MGAM: variants seen among roughly 807,000 people sequenced by gnomAD.
MGAM encodes the protein maltase-glucoamylase.
Under a neutral mutation model 358.8 loss-of-function variants are expected in MGAM, and 253 were observed. The observed-to-expected ratio is 0.71, with a 90% CI of 0.64 to 0.78. The LOEUF (loss-of-function observed/expected upper bound fraction) is 0.78. Ranked by LOEUF, MGAM falls within the 30% of genes least tolerant of loss-of-function variation. MGAM has a pLI of 0.00. For missense variants in MGAM, 3,080 were observed against 3,432.6 expected (o/e 0.90, Z 2.57); for synonymous variants, 1,105 against 1,227.1 (o/e 0.90, Z 2.08).
intron 63 of MGAM, among the ~76,000 whole-genome samples, 158 bp from the exon 64 acceptor site, chr7:142,095,407 A>T (rs79416050): frequency 2.0e-5 from 3 of 152,194 alleles, no homozygotes; most frequent in South Asian, 2.1e-4. Flanking sequence ...GCATCAGTGA[A>T]CTTTTCCAGT....
rs782686047 is a variant in MGAM at position 142,031,676 on chromosome 7, G to T, written c.1471-4G>T. The T allele has an allele frequency of 2.5e-6, 4 of 1,590,780 alleles. No homozygotes were observed. The Admixed American group carries it at 5.1e-5, about 20-fold the overall frequency. On this transcript the variant is annotated splice_region_variant and splice_polypyrimidine_tract_variant and intron_variant, in intron 12 of 70. Transcript: ENST00000475668. ...TTACCAGTGTTTTTCTTTTTCTCCT[G>T]AAGGTCTGGCCTGGACAAACTGTGT...
At position 142,047,794 on chromosome 7, in the gene MGAM, C is replaced by A. The variant is rs1356222551; in HGVS notation, c.2508C>A (p.Asn836Lys). 1.2e-6 allele frequency: 2 copies of A among 1,612,476 alleles called. No homozygotes were observed. Among genetic ancestry groups the A allele is most frequent in the African/African-American group, 1.3e-5 (1 of 74,988 alleles). Residue 836 changes from asparagine (N) to lysine (K), a missense_variant, in exon 22 of 71, where the codon AAC (asparagine) becomes AAA (lysine). Transcript: ENST00000475668. ...ATCTTGTTCCCCACAGTCGAAAGAA[C>A]CCTCTTGGTCTTATCATTGCCCTAG... ...PNTTTLASRK[N>K]PLGLIIALDE... is the part of the protein sequence containing the mutation.
chr7:142,057,919 A>G (rs1014242598), intron 30 of MGAM, among the ~76,000 whole-genome samples: 6 of 152,152 alleles, frequency 3.9e-5, no homozygotes, highest in African/African-American at 1.4e-4. Flanking sequence ...CCTGTATACT[A>G]AGCCAGGCAT....
chr7:141,988,627 A>G (rs782349999), intron 2 of MGAM, among the ~76,000 whole-genome samples: 14 of 152,162 alleles, frequency 9.2e-5, no homozygotes, highest in Middle Eastern at 3.4e-3. Flanking sequence ...GGCCTCCCAA[A>G]GTGCTGGGAT....
At chr7:142,041,975 TATATATA>T (rs1402518395) in intron 21 of MGAM, among the ~76,000 whole-genome samples, 1 of 23,654 alleles carries the variant, frequency 4.2e-5, no homozygotes, top group African/African-American at 1.4e-4. Context: ...ATATATTATA[TATATATA>T]ATATAATATA....
rs551812945 is a variant in MGAM at position 142,106,099 on chromosome 7, A to G, written c.*208A>G. On this transcript the variant is annotated 3_prime_UTR_variant, in exon 71 of 71. Coordinates refer to ENST00000475668, the MANE Select transcript of MGAM (RefSeq NM_001365693.1). ...GCAGTTAGGGAGGTGTGGAAAATCT[A>G]TGCATTACCTTAATGTCTCTGTGTG... 1.7e-5 allele frequency: 8 copies of G among 476,412 alleles called. No homozygotes were observed. Among genetic ancestry groups the G allele is most frequent in the African/African-American group, 1.6e-4 (8 of 50,980 alleles). The allele number at this position is 476,412 out of a possible 1,614,324, so 29.5% of individuals were successfully genotyped here. A position where few individuals can be genotyped will look rare whatever the true frequency, so the allele number is the denominator to read the frequency against.
intron 24 of MGAM, among the ~76,000 whole-genome samples, chr7:142,051,739 C>A (rs1026019160): frequency 2.0e-5 from 3 of 151,858 alleles, no homozygotes; most frequent in Non-Finnish European, 1.5e-5. Context: ...GATTATTATG[C>A]CCTGTATGCC....
rs532995564 is a variant in MGAM at position 142,097,095 on chromosome 7, A to G, written c.7693-498A>G. Among the ~76,000 whole-genome samples the G allele has an allele frequency of 2.7e-5, 4 of 150,340 alleles. No individual in the cohort carries two copies. The South Asian group carries it at 8.4e-4, about 31-fold the overall frequency. On this transcript the variant is annotated intron_variant, in intron 65 of 70. Coordinates refer to ENST00000475668, the MANE Select transcript of MGAM (RefSeq NM_001365693.1). The stretch of plus-strand genomic sequence containing the variant: ...AGGCACGTGCCACCAGGCCCGGCCA[A>G]TTTAAATTTTTTTTTTTATTTTTAG...
At chr7:141,996,988 TTAAAA>T (rs1415238721) in intron 1 of MGAM, among the ~76,000 whole-genome samples, 14 of 152,182 alleles carry the variant, frequency 9.2e-5, no homozygotes, top group East Asian at 5.8e-4. Flanking sequence ...AATAAAATAC[TTAAAA>T]TAAACTTAAA....
chr7:142,035,992 TACTC>T (rs1244262375), intron 16 of MGAM, among the ~76,000 whole-genome samples, 173 bp from the exon 17 acceptor site: 2 of 152,068 alleles, frequency 1.3e-5, no homozygotes, highest in Admixed American at 6.6e-5. Context: ...TTAGGTAACT[TACTC>T]AAAGTCATCC....
chr7:142,018,541 A>G (rs1299617586), intron 3 of MGAM, among the ~76,000 whole-genome samples: 1 of 152,132 alleles, frequency 6.6e-6, no homozygotes, highest in African/African-American at 2.4e-5. Flanking sequence ...TTTGTATTTA[A>G]CTTGGTTGCT....
chr7:142,101,989 C>A (rs1228772381), intron 68 of MGAM, among the ~76,000 whole-genome samples: 2 of 150,974 alleles, frequency 1.3e-5, no homozygotes, highest in African/African-American at 2.4e-5. Context: ...AGTGTGACAG[C>A]CACGAGGGCA....
intron 52 of MGAM, among the ~76,000 whole-genome samples, chr7:142,082,940 C>T (rs1304049506): frequency 2.7e-5 from 4 of 145,858 alleles, no homozygotes; most frequent in Middle Eastern, 3.3e-3. Flanking sequence ...AGTTACCTAT[C>T]GGGTACTACG....
intron 21 of MGAM, among the ~76,000 whole-genome samples, chr7:142,041,151 T>C (rs1156837283): frequency 1.3e-5 from 2 of 152,122 alleles, no homozygotes. Context: ...CTATTTCTTT[T>C]CTCCCACTAA....
intron 21 of MGAM, among the ~76,000 whole-genome samples, chr7:142,045,218 T>TA (rs1255930492): frequency 1.8e-4 from 1 of 5,456 alleles, no homozygotes; most frequent in East Asian, 3.4e-3. Flanking sequence ...AACATATATG[T>TA]ATATAATATA....
intron 66 of MGAM, among the ~76,000 whole-genome samples, chr7:142,098,492 C>T (rs1046570431): frequency 6.6e-5 from 10 of 152,016 alleles, no homozygotes; most frequent in African/African-American, 2.4e-4. Flanking sequence ...ATGTGCTGGC[C>T]CCTTTCATCC....
At chr7:142,012,109 G>A (rs2128988258) in intron 3 of MGAM, among the ~76,000 whole-genome samples, 1 of 152,202 alleles carries the variant, frequency 6.6e-6, no homozygotes, top group African/African-American at 2.4e-5. Flanking sequence ...TAAAATTCCT[G>A]CTCTATTTGA....
rs1815476051 is a variant in MGAM, at chr7:142,092,399, C to T, written c.6946-122C>T. ...TCTCACCAGGATTTGATGAAGCTCC[C>T]AGGGCTGGCATCTATAGGGATTACT... On this transcript the variant is annotated intron_variant, in intron 58 of 70. Transcript: ENST00000475668. The T allele has an allele frequency of 3.9e-6, 4 of 1,038,686 alleles. No individual in the cohort carries two copies. The Admixed American group carries it at 8.8e-5, about 23-fold the overall frequency. 64.3% of individuals were successfully genotyped at this position (1,038,686 alleles called of 1,614,324 possible).
At chr7:142,037,096 C>G (rs1250390775) in intron 18 of MGAM, 119 bp downstream of exon 18, 4 of 1,011,998 alleles carry the variant, frequency 4.0e-6, no homozygotes, top group Non-Finnish European at 5.9e-6. Flanking sequence ...CTATCTGTAT[C>G]TATATCTGTA....
Sources: gnomAD v4.1 joint callset for allele counts (sites outside exome capture counted in the v4.1 genomes callset) on GRCh38, gnomAD v4.1.1 for gene constraint, MANE v1.5 for transcripts, NCBI Gene and HGNC (gene_info 2026-07-23, HGNC 2026-07-21) for gene names.